TMEM114: variants seen among roughly 807,000 people sequenced by gnomAD.
TMEM114 encodes claudin-26.
In TMEM114, 6 loss-of-function variants were observed where a neutral mutation model predicts 6.2. The observed-to-expected ratio is 0.97, with a 90% CI of 0.53 to 1.91. TMEM114 has a LOEUF of 1.91. Among genes scored for constraint, TMEM114 ranks in the 40% most tolerant of loss-of-function variants. The pLI, the probability that TMEM114 is intolerant of heterozygous loss-of-function variation, is 0.01. For synonymous variants in TMEM114, 104 were observed against 73.0 expected (o/e 1.42, Z -2.16); for missense variants, 218 against 158.3 (o/e 1.38, Z -2.02).
intron 2 of TMEM114, among the ~76,000 whole-genome samples, chr16:8,577,752 T>G (rs1901990973): frequency 6.7e-6 from 1 of 148,428 alleles, no homozygotes; most frequent in Non-Finnish European, 1.5e-5. Flanking sequence ...CCTGGCGAAT[T>G]TTTGTATTTT....
At chr16:8,581,332 C>G (rs540782662) in intron 2 of TMEM114, among the ~76,000 whole-genome samples, 1 of 152,136 alleles carries the variant, frequency 6.6e-6, no homozygotes, top group Non-Finnish European at 1.5e-5. Context: ...TGAATATACA[C>G]CTATAAATGT....
the TMEM114 span, among the ~76,000 whole-genome samples, chr16:8,532,306 T>A: frequency 6.6e-6 from 1 of 152,198 alleles, no homozygotes; most frequent in African/African-American, 2.4e-5. Context: ...TCTAGCCCTC[T>A]GTGTAAACTT....
At chr16:8,555,627 C>G (rs1353801803) in intron 2 of TMEM114, among the ~76,000 whole-genome samples, 1 of 152,192 alleles carries the variant, frequency 6.6e-6, no homozygotes, top group Non-Finnish European at 1.5e-5. Context: ...CCAGTTATAT[C>G]TGCTGCCTAT....
At chr16:8,554,439 C>G (rs1900943724) in intron 2 of TMEM114, among the ~76,000 whole-genome samples, 1 of 152,092 alleles carries the variant, frequency 6.6e-6, no homozygotes, top group Admixed American at 6.5e-5. Context: ...GGCACCATTG[C>G]TGACCAGAGA....
At chr16:8,541,375 T>A (rs953357443) in intron 2 of TMEM114, among the ~76,000 whole-genome samples, 1 of 151,928 alleles carries the variant, frequency 6.6e-6, no homozygotes. Flanking sequence ...ACCACAGACA[T>A]AAACCAGGAC....
At chr16:8,551,247 A>G (rs765389634) in intron 2 of TMEM114, among the ~76,000 whole-genome samples, 30 of 152,278 alleles carry the variant, frequency 2.0e-4, no homozygotes, top group South Asian at 1.5e-3. Context: ...GGCAGGGGAA[A>G]TGCAAGTTTC....
chr16:8,576,265 C>A (rs1200576015), intron 2 of TMEM114, among the ~76,000 whole-genome samples: 1 of 152,222 alleles, frequency 6.6e-6, no homozygotes, highest in Non-Finnish European at 1.5e-5. Flanking sequence ...ACAGAATTGT[C>A]TCCACTTCCT....
At chr16:8,558,294 G>A (rs6501161) in intron 2 of TMEM114, among the ~76,000 whole-genome samples, 47,941 of 151,950 alleles carry the variant, frequency 0.32, 7,746 homozygotes, top group East Asian at 0.39. Flanking sequence ...GGTGTCAGGT[G>A]GGCCATGCAC....
downstream of TMEM114, among the ~76,000 whole-genome samples, chr16:8,569,170 G>C (rs1230386824): frequency 6.6e-6 from 1 of 152,188 alleles, no homozygotes; most frequent in Non-Finnish European, 1.5e-5. Flanking sequence ...GATGAAAGGA[G>C]GGATGGATTT....
chr16:8,569,355 G>C (rs932753723), downstream of TMEM114: 31 of 667,820 alleles, frequency 4.6e-5, no homozygotes, highest in Non-Finnish European at 5.6e-5. Flanking sequence ...GCTCCCCAGA[G>C]AGAGCTGAAC....
chr16:8,587,712 C>G (rs1322278408), intron 2 of TMEM114, among the ~76,000 whole-genome samples: 1 of 152,222 alleles, frequency 6.6e-6, no homozygotes, highest in Admixed American at 6.5e-5. Context: ...AAAAACTGCT[C>G]ATGCCTATAA....
chr16:8,587,557 T>A (rs1445962124), intron 2 of TMEM114, among the ~76,000 whole-genome samples: 2 of 152,208 alleles, frequency 1.3e-5, no homozygotes, highest in African/African-American at 4.8e-5. Flanking sequence ...AAACTTAGCA[T>A]GTTCCAAGAA....
chr16:8,555,274 A>G (rs1404659942), intron 2 of TMEM114, among the ~76,000 whole-genome samples: 1 of 152,236 alleles, frequency 6.6e-6, no homozygotes, highest in Admixed American at 6.5e-5. Flanking sequence ...CCTGTGGTAG[A>G]AGAAAACAGC....
chr16:8,556,771 A>G (rs1462807975), intron 2 of TMEM114, among the ~76,000 whole-genome samples: 1 of 152,152 alleles, frequency 6.6e-6, no homozygotes, highest in East Asian at 1.9e-4. Flanking sequence ...CCAAAGTGCC[A>G]GGATTATAGG....
At chr16:8,579,222 G>T (rs1035722778) in intron 2 of TMEM114, among the ~76,000 whole-genome samples, 3 of 152,172 alleles carry the variant, frequency 2.0e-5, no homozygotes, top group Non-Finnish European at 4.4e-5. Flanking sequence ...TGATGCTTGT[G>T]AGGTCAGGAA....
At chr16:8,546,930 A>C (rs1053279527) in intron 2 of TMEM114, among the ~76,000 whole-genome samples, 2 of 152,184 alleles carry the variant, frequency 1.3e-5, no homozygotes, top group African/African-American at 4.8e-5. Flanking sequence ...GGCTGCGTTT[A>C]TTTCTAAAGC....
chr16:8,554,024 A>G (rs555868818), intron 2 of TMEM114, among the ~76,000 whole-genome samples: 1 of 152,076 alleles, frequency 6.6e-6, no homozygotes, highest in South Asian at 2.1e-4. Flanking sequence ...GATTACAGGC[A>G]TGCGCCACCA....
chr16:8,558,827 G>T (rs1215754299), intron 2 of TMEM114, among the ~76,000 whole-genome samples: 1 of 130,108 alleles, frequency 7.7e-6, no homozygotes, highest in Non-Finnish European at 1.7e-5. Flanking sequence ...TGCAACCCCT[G>T]CCTCCTGGGT....
intron 2 of TMEM114, among the ~76,000 whole-genome samples, chr16:8,560,301 C>G (rs556451859): frequency 6.6e-5 from 10 of 151,950 alleles, no homozygotes; most frequent in African/African-American, 2.2e-4. Flanking sequence ...CCCAGCATGC[C>G]CAGTGATCTT....
Sources: allele counts gnomAD v4.1 joint callset (sites outside exome capture counted in the v4.1 genomes callset), GRCh38; gene constraint gnomAD v4.1.1; transcripts MANE v1.5; gene names NCBI Gene and HGNC (gene_info 2026-07-23, HGNC 2026-07-21).